Variants in SAMD7 observed in about 807,000 individuals in gnomAD.
SAMD7 encodes sterile alpha motif domain-containing protein 7.
A neutral mutation model predicts 36.7 loss-of-function variants in SAMD7; 34 were observed. The ratio of observed to expected loss-of-function variants is 0.93; its 90% CI spans 0.71 to 1.23. The LOEUF is 1.23. Ranked by LOEUF, SAMD7 falls within the 50% of genes most tolerant of loss-of-function variation. SAMD7 has a pLI of 0.00. For synonymous variants in SAMD7, 188 were observed against 189.7 expected (o/e 0.99, Z 0.07); for missense variants, 570 against 546.6 (o/e 1.04, Z -0.43).
intron 7 of SAMD7, chr3:169,932,769 G>C: frequency 1.9e-6 from 1 of 532,634 alleles, no homozygotes; most frequent in Non-Finnish European, 3.7e-6. Context: ...TATGATGAGC[G>C]CTACTGTGAG....
rs914336790 is a variant in SAMD7 at position 169,938,666 on chromosome 3, G to A, written c.*160G>A. 1 of 549,320 alleles carries A rather than the reference G, an allele frequency of 1.8e-6. No homozygotes were observed. Among genetic ancestry groups the A allele is most frequent in the Non-Finnish European group, 3.2e-6 (1 of 315,412 alleles). The allele number at this position is 549,320 out of a possible 1,614,324, so 34.0% of individuals were successfully genotyped here. ...GGAGACTTGCCCAAGGGGCTTCCCT[G>A]CCAGGGCTGAATGACCCCAGCACCA... On this transcript the variant is annotated 3_prime_UTR_variant, in exon 9 of 9. Transcript: ENST00000335556.
At chr3:169,917,853 G>A (rs897864394) in intron 2 of SAMD7, among the ~76,000 whole-genome samples, 1 of 152,054 alleles carries the variant, frequency 6.6e-6, no homozygotes, top group African/African-American at 2.4e-5. Context: ...ATGTTAGCTA[G>A]GCTGGTCTCG....
Position 169,921,238 on chromosome 3 carries a change from T to A in SAMD7, c.111T>A (p.Ala37=), listed in dbSNP as rs1415527965. 2 of 1,614,058 alleles carry A rather than the reference T, an allele frequency of 1.2e-6. No individual in the cohort carries two copies. The highest frequency in any genetic ancestry group is 4.5e-5 in the East Asian group (2 of 44,886). The part of the protein sequence containing the change: ...VDRDVLPSTV[A]PTDPRQFCVP... Reference sequence around the variant, plus strand: ...GAGATGTATTGCCTTCCACCGTAGCTCCAACTGACCCAAGACAGTTTTGCG... The same window carrying A: ...GAGATGTATTGCCTTCCACCGTAGCACCAACTGACCCAAGACAGTTTTGCG... Residue 37 remains alanine, a synonymous_variant, in exon 4 of 9, where the codon GCT becomes GCA. Coordinates refer to ENST00000335556, the MANE Select transcript of SAMD7 (RefSeq NM_001304366.2).
At chr3:169,929,244 A>G (rs954025561) in intron 7 of SAMD7, among the ~76,000 whole-genome samples, 13 of 152,118 alleles carry the variant, frequency 8.5e-5, no homozygotes, top group African/African-American at 3.1e-4. Context: ...TCAATGCTAC[A>G]TTTTCATGCA....
At chr3:169,913,649 A>G (rs1712689462) in intron 1 of SAMD7, among the ~76,000 whole-genome samples, 1 of 152,188 alleles carries the variant, frequency 6.6e-6, no homozygotes, top group Admixed American at 6.5e-5. Context: ...GCACTCCCTC[A>G]CTTTGGGATT....
intron 2 of SAMD7, among the ~76,000 whole-genome samples, chr3:169,916,792 A>T (rs1291457328): frequency 1.3e-5 from 2 of 152,234 alleles, no homozygotes; most frequent in East Asian, 1.9e-4. Flanking sequence ...TGAAACACCT[A>T]GTGGTGTCCC....
intron 5 of SAMD7, among the ~76,000 whole-genome samples, chr3:169,925,924 A>G (rs1179282701): frequency 6.7e-6 from 1 of 149,490 alleles, no homozygotes. Context: ...TGCCATCAGA[A>G]CTCAGACAAC....
In SAMD7 at chr3:169,938,371, A is replaced by T. The variant is rs1713797717; in HGVS notation, c.1206A>T (p.Ile402=). The change falls in exon 9 of 9, where the codon ATA becomes ATT. Residue 402 remains isoleucine (I), a synonymous_variant. Coordinates refer to ENST00000335556, the MANE Select transcript of SAMD7 (RefSeq NM_001304366.2). ...MFYKKTLSFP[I]RQAFDQPADT... ...ACAAGAAAACTCTTTCATTTCCTAT[A>T]AGACAAGCATTTGATCAACCAGCAG... The T allele has an allele frequency of 6.2e-7, 1 of 1,612,798 alleles. No homozygotes were observed. Among genetic ancestry groups the T allele is most frequent in the South Asian group, 1.1e-5 (1 of 91,032 alleles).
chr3:169,930,072 A>G (rs1016384569), intron 7 of SAMD7, among the ~76,000 whole-genome samples: 4 of 152,216 alleles, frequency 2.6e-5, no homozygotes, highest in African/African-American at 9.6e-5. Flanking sequence ...TTGAACTCTG[A>G]TTATTCTTAG....
chr3:169,932,355 G>A (rs1713530780), intron 7 of SAMD7: 9 of 672,732 alleles, frequency 1.3e-5, no homozygotes, highest in Non-Finnish European at 2.5e-5. Context: ...TCCTTGAAAG[G>A]GAACAGAAAG....
At chr3:169,925,792 A>G (rs1403319563) in intron 5 of SAMD7, among the ~76,000 whole-genome samples, 1 of 152,190 alleles carries the variant, frequency 6.6e-6, no homozygotes, top group Non-Finnish European at 1.5e-5. Flanking sequence ...GCAAAAGACC[A>G]TCAGTGTCCC....
Position 169,938,402 on chromosome 3 carries a change from TC to T in SAMD7, c.1241del (p.Pro414LeufsTer12), listed in dbSNP as rs1361551516. ...RQAFDQPADT[S>X]PLLDPNSWSD... ...AGCATTTGATCAACCAGCAGATACA[TC>T]CCCTCTTCTGGATCCTAATTCCTGG... On this transcript the variant is annotated frameshift_variant, in exon 9 of 9. Coordinates refer to ENST00000335556, the MANE Select transcript of SAMD7 (RefSeq NM_001304366.2). LOFTEE classifies it low-confidence loss of function (END_TRUNC). 1 of 1,608,764 alleles carries T rather than the reference TC, an allele frequency of 6.2e-7. No individual in the cohort carries two copies.
At chr3:169,931,415 C>T (rs1463997440) in intron 7 of SAMD7, among the ~76,000 whole-genome samples, 2 of 152,016 alleles carry the variant, frequency 1.3e-5, no homozygotes, top group African/African-American at 2.4e-5. Context: ...CAGCCTACCT[C>T]TGCTTGAAAA....
chr3:169,920,149 G>C (rs1239474807), intron 3 of SAMD7, among the ~76,000 whole-genome samples: 1 of 152,170 alleles, frequency 6.6e-6, no homozygotes, highest in Non-Finnish European at 1.5e-5. Context: ...ACTCCAGCCT[G>C]GGCAACAAGA....
At chr3:169,920,856 C>A (rs1239243065) in intron 3 of SAMD7, among the ~76,000 whole-genome samples, 1 of 152,168 alleles carries the variant, frequency 6.6e-6, no homozygotes, top group South Asian at 2.1e-4. Context: ...GTAAACCCAA[C>A]CAAAGTATGT....
In SAMD7 at chr3:169,928,481, G is replaced by C. The variant is rs780318764; in HGVS notation, c.944G>C (p.Gly315Ala). Residue 315 changes from glycine to alanine, a missense_variant, in exon 7 of 9, where the codon GGG becomes GCG. By Grantham distance (60) the Gly-to-Ala change is moderately conservative. Coordinates refer to ENST00000335556, the MANE Select transcript of SAMD7 (RefSeq NM_001304366.2). ...LPGTHALVTI[G>A]GNLSLDEDIQ... ...GGAACACATGCACTGGTTACAATTG[G>C]GGGGAATCTTTCTTTGGATGAAGAT... 2.5e-6 allele frequency: 4 copies of C among 1,612,722 alleles called. No individual in the cohort carries two copies. The highest frequency in any genetic ancestry group is 3.4e-6 in the Non-Finnish European group (4 of 1,178,720).
Position 169,925,143 on chromosome 3 carries a change from T to G in SAMD7, c.290+7T>G, listed in dbSNP as rs116691727. 795 of 1,591,336 alleles carry G rather than the reference T, an allele frequency of 5.0e-4. 7 individuals are homozygous for G. In the African/African-American group the frequency reaches 9.6e-3, roughly 19 times the overall value. On this transcript the variant is annotated splice_region_variant and intron_variant, in intron 5 of 8. Coordinates refer to ENST00000335556, the MANE Select transcript of SAMD7 (RefSeq NM_001304366.2). ...AACGGCATCATACTGCCAGGTAATT[T>G]GGCAATGTTGTTTTATTTATTCTCT...
At chr3:169,932,807 T>C in intron 7 of SAMD7, 1 of 560,322 alleles carries the variant, frequency 1.8e-6, no homozygotes, top group Non-Finnish European at 3.5e-6. Context: ...CCTTTATGAC[T>C]CTGGCCTGTG....
At chr3:169,933,502 T>C (rs1048627464) in intron 7 of SAMD7, among the ~76,000 whole-genome samples, 1 of 152,184 alleles carries the variant, frequency 6.6e-6, no homozygotes, top group Non-Finnish European at 1.5e-5. Context: ...AGTTGGTCAG[T>C]CTTAATTCCC....
Sources: allele counts gnomAD v4.1 joint callset (sites outside exome capture counted in the v4.1 genomes callset), GRCh38; gene constraint gnomAD v4.1.1; transcripts MANE v1.5; gene names NCBI Gene and HGNC (gene_info 2026-07-23, HGNC 2026-07-21).